Variants in PRH1 observed in about 807,000 individuals in gnomAD.
PRH1 encodes proline rich protein HaeIII subfamily 1, also known as salivary acidic proline-rich phosphoprotein 1/2.
A neutral mutation model predicts 7.9 loss-of-function variants in PRH1; 7 were observed. The observed-to-expected ratio is 0.89, with a 90% CI of 0.50 to 1.67. The LOEUF is 1.67. Ranked by LOEUF, PRH1 falls within the 40% of genes most tolerant of loss-of-function variation. The probability of loss-of-function intolerance (pLI) is 0.00; values close to 1 mark genes in which losing one functional copy is unlikely to be tolerated. For synonymous variants in PRH1, 45 were observed against 80.8 expected, an observed-to-expected ratio of 0.56 and a Z score of 2.38; for missense variants, 109 against 223.6, an observed-to-expected ratio of 0.49 and a Z score of 3.27.
chr12:11,031,854 C>G (rs189965332), intron 1 of PRH1, among the ~76,000 whole-genome samples: 156 of 152,258 alleles, frequency 1.0e-3, no homozygotes, highest in African/African-American at 3.6e-3. Context: ...AAGTATAGCT[C>G]GCTTCATCTC....
At position 11,139,654 on chromosome 12, in the gene PRH1, A is replaced by G. The variant is rs541791877; in HGVS notation, n.40-18474T>C. ...ATCACTGTATAGTATTCCATTGTAT[A>G]AGTATGCCATAATTTGTTTATCCAT... On this transcript the variant is annotated intron_variant and non_coding_transcript_variant, in intron 1 of 1. Coordinates refer to the PRH1 transcript ENST00000541175. 3.7e-3 allele frequency among the ~76,000 whole-genome samples: 565 copies of G among 152,278 alleles called. 4 individuals are homozygous for G. The highest frequency in any genetic ancestry group is 0.013 in the African/African-American group (539 of 41,570).
At chr12:11,067,020 T>G (rs1263855481) in intron 1 of PRH1, among the ~76,000 whole-genome samples, 1 of 152,182 alleles carries the variant, frequency 6.6e-6, no homozygotes, top group Non-Finnish European at 1.5e-5. Context: ...TCAACTTCAT[T>G]TCATCTTTTA....
intron 1 of PRH1, among the ~76,000 whole-genome samples, chr12:11,039,215 CT>C (rs1479003906): frequency 2.0e-5 from 3 of 152,194 alleles, no homozygotes; most frequent in Non-Finnish European, 2.9e-5. Flanking sequence ...AAAGGCAGGC[CT>C]GATATCCTGA....
chr12:11,110,718 A>C (rs1427121521), intron 1 of PRH1, among the ~76,000 whole-genome samples: 1 of 152,228 alleles, frequency 6.6e-6, no homozygotes, highest in African/African-American at 2.4e-5. Flanking sequence ...TGTAAAGACC[A>C]TTGGCACTAT....
chr12:10,991,135 T>C (rs1419795675), intron 1 of PRH1, among the ~76,000 whole-genome samples: 1 of 152,134 alleles, frequency 6.6e-6, no homozygotes, highest in Non-Finnish European at 1.5e-5. Flanking sequence ...GTAACTAAGG[T>C]TATGACTAGA....
At chr12:10,909,034 A>G (rs777062213) in intron 2 of PRH1, 1 of 1,613,714 alleles carries the variant, frequency 6.2e-7, no homozygotes, top group Non-Finnish European at 8.5e-7. Flanking sequence ...GAAACTATCC[A>G]GCTAAAAATC....
intron 1 of PRH1, among the ~76,000 whole-genome samples, chr12:11,063,410 T>C (rs896263115): frequency 1.3e-5 from 2 of 150,912 alleles, no homozygotes; most frequent in Non-Finnish European, 2.9e-5. Context: ...TAGTACACTG[T>C]TCCCAGAAGG....
intron 1 of PRH1, among the ~76,000 whole-genome samples, chr12:11,145,257 T>A (rs767868657): frequency 6.6e-6 from 1 of 152,162 alleles, no homozygotes; most frequent in Non-Finnish European, 1.5e-5. Flanking sequence ...AGTGGCGCAA[T>A]CTCGGGTCAC....
intron 1 of PRH1, chr12:10,997,573 G>T: frequency 1.2e-6 from 2 of 1,614,042 alleles, no homozygotes; most frequent in Non-Finnish European, 1.7e-6. Context: ...ATATGCTGAG[G>T]CTAGTAGCAA....
At chr12:11,019,004 A>AC in intron 1 of PRH1, among the ~76,000 whole-genome samples, 1 of 116,514 alleles carries the variant, frequency 8.6e-6, no homozygotes, top group Admixed American at 9.4e-5. Flanking sequence ...GAGAAAAAAT[A>AC]AATTAAAAAA....
chr12:10,955,754 T>C (rs1257364895), intron 2 of PRH1, among the ~76,000 whole-genome samples: 3 of 152,074 alleles, frequency 2.0e-5, no homozygotes, highest in Admixed American at 6.5e-5. Flanking sequence ...ATATTACCAC[T>C]GACCCCACTG....
intron 1 of PRH1, among the ~76,000 whole-genome samples, chr12:11,082,743 CAA>C (rs1476174266): frequency 8.6e-6 from 1 of 115,828 alleles, no homozygotes. Flanking sequence ...AAAATTATGC[CAA>C]AAGTGACCTC....
chr12:11,056,526 T>C (rs1217960178), intron 1 of PRH1, among the ~76,000 whole-genome samples: 1 of 152,158 alleles, frequency 6.6e-6, no homozygotes, highest in Non-Finnish European at 1.5e-5. Context: ...CTCAGTATTA[T>C]CACCTATAAA....
intron 1 of PRH1, among the ~76,000 whole-genome samples, chr12:11,136,652 A>C (rs1946563541): frequency 6.6e-6 from 1 of 152,148 alleles, no homozygotes; most frequent in Non-Finnish European, 1.5e-5. Context: ...TTATACAGCA[A>C]ACATTCATTT....
At chr12:10,889,316 T>C (rs949542544) in intron 2 of PRH1, among the ~76,000 whole-genome samples, 2 of 152,234 alleles carry the variant, frequency 1.3e-5, no homozygotes, top group African/African-American at 4.8e-5. Context: ...ATTTCTACTT[T>C]TGAGCACTTT....
At chr12:10,996,898 C>A in intron 1 of PRH1, 3 of 1,498,012 alleles carry the variant, frequency 2.0e-6, no homozygotes, top group Non-Finnish European at 1.8e-6. Context: ...TTCCAGACAC[C>A]ATCAATTTGT....
intron 2 of PRH1, among the ~76,000 whole-genome samples, chr12:10,951,223 T>C (rs1950565283): frequency 6.6e-6 from 1 of 152,194 alleles, no homozygotes; most frequent in South Asian, 2.1e-4. Flanking sequence ...TGAAGACATA[T>C]TCTCTTTCAC....
At chr12:11,137,931 A>G (rs2597920) in intron 1 of PRH1, among the ~76,000 whole-genome samples, 69,102 of 151,922 alleles carry the variant, frequency 0.45, 16,518 homozygotes, top group Non-Finnish European at 0.52. Flanking sequence ...TAGACTTCAA[A>G]GTAATGAGAG....
intron 1 of PRH1, among the ~76,000 whole-genome samples, chr12:11,110,198 G>A (rs559972745): frequency 1.3e-5 from 2 of 152,316 alleles, no homozygotes; most frequent in East Asian, 1.9e-4. Context: ...ATTCACTGGT[G>A]TACCTGAAAG....
Sources: allele counts gnomAD v4.1 joint callset (sites outside exome capture counted in the v4.1 genomes callset), GRCh38; gene constraint gnomAD v4.1.1; transcripts MANE v1.5; gene names NCBI Gene and HGNC (gene_info 2026-07-23, HGNC 2026-07-21).